ABTB2: variants seen among roughly 807,000 people sequenced by gnomAD.
ABTB2 encodes the protein ankyrin repeat and BTB/POZ domain-containing protein 2.
In ABTB2, 56 loss-of-function variants were observed where a neutral mutation model predicts 104.1. That is an observed-to-expected ratio of 0.54 (90% confidence interval 0.43 to 0.67). ABTB2 has a LOEUF of 0.67. ABTB2 is among the 30% of genes least tolerant of loss of function. The pLI, the probability that ABTB2 is intolerant of heterozygous loss-of-function variation, is 0.00. For synonymous variants in ABTB2, 606 were observed against 608.2 expected (o/e 1.00, Z 0.05); for missense variants, 1,279 against 1,407.7 (o/e 0.91, Z 1.46).
chr11:34,167,336 G>C lies in ABTB2; in HGVS notation c.1678C>G (p.Pro560Ala). 1.9e-6 allele frequency: 3 copies of C among 1,613,364 alleles called. No homozygotes were observed. The highest frequency in any genetic ancestry group is 2.5e-6 in the Non-Finnish European group (3 of 1,179,670). The stretch of plus-strand genomic sequence containing the variant: ...TGCCGGCTGTCGGGGTGGATGGAAG[G>C]GTGCCTGGGGGAGTTGCTTGGAACC... ...IQVPSNSPRH[P>A]SIHPDSRHWT... Residue 560 changes from proline to alanine, a missense_variant, in exon 7 of 17, where the codon CCT (proline) becomes GCT (alanine). By Grantham distance (27) the Pro-to-Ala change is conservative. Coordinates refer to ENST00000435224, the MANE Select transcript of ABTB2 (RefSeq NM_145804.3).
intron 1 of ABTB2, among the ~76,000 whole-genome samples, chr11:34,352,651 C>T (rs1855412829): frequency 6.6e-6 from 1 of 152,316 alleles, no homozygotes; most frequent in East Asian, 1.9e-4. Context: ...TCATTTAATT[C>T]TCATACCACC....
chr11:34,271,734 AATACATACATACATAC>A (rs11268199), intron 1 of ABTB2, among the ~76,000 whole-genome samples: 2,947 of 149,920 alleles, frequency 0.02, 96 homozygotes, highest in African/African-American at 0.067. Flanking sequence ...CCCTATCTCA[AATACATACATACATAC>A]ATACATACAT....
At chr11:34,306,303 G>GTGGCACAA (rs1250994899) in intron 1 of ABTB2, among the ~76,000 whole-genome samples, 1 of 130,602 alleles carries the variant, frequency 7.7e-6, no homozygotes, top group African/African-American at 2.9e-5. Context: ...CTGGAGTGCA[G>GTGGCACAA]TGGCACAATC....
intron 2 of ABTB2, among the ~76,000 whole-genome samples, chr11:34,200,165 G>A (rs1183747580): frequency 6.6e-6 from 1 of 152,216 alleles, no homozygotes; most frequent in Non-Finnish European, 1.5e-5. Flanking sequence ...ACTTTTGGCA[G>A]AACCACAGGA....
chr11:34,240,730 T>C (rs893943204), intron 1 of ABTB2, among the ~76,000 whole-genome samples: 1 of 152,068 alleles, frequency 6.6e-6, no homozygotes, highest in Admixed American at 6.6e-5. Context: ...ATAGATGAGA[T>C]TACAGGCATC....
In ABTB2 at chr11:34,151,063, AG is replaced by A. The variant is rs1418785468; in HGVS notation, c.*1323del. 1.3e-5 allele frequency: 2 copies of A among 152,736 alleles called. No homozygotes were observed. Among genetic ancestry groups the A allele is most frequent in the Non-Finnish European group, 2.9e-5 (2 of 68,078 alleles). The allele number at this position is 152,736 out of a possible 1,614,324, so 9.5% of individuals were successfully genotyped here. ...AGTGACAACATTATTGTACAGTTAA[AG>A]TATCATACAATATTACAGCAATAAA... On this transcript the variant is annotated 3_prime_UTR_variant, in exon 17 of 17. Transcript: ENST00000435224.
At chr11:34,193,898 C>CTG (rs1853214912) in intron 3 of ABTB2, among the ~76,000 whole-genome samples, 3 of 152,192 alleles carry the variant, frequency 2.0e-5, no homozygotes, top group Non-Finnish European at 2.9e-5. Flanking sequence ...GCTTCTGCCC[C>CTG]TCCCTCCTCC....
intron 1 of ABTB2, among the ~76,000 whole-genome samples, chr11:34,326,613 G>GGACCC (rs1855073453): frequency 6.9e-6 from 1 of 145,706 alleles, no homozygotes; most frequent in Non-Finnish European, 1.5e-5. Context: ...CTGGGTGTCA[G>GGACCC]AGGGAGACCC....
chr11:34,256,447 T>C (rs1442141330), intron 1 of ABTB2, among the ~76,000 whole-genome samples: 1 of 152,180 alleles, frequency 6.6e-6, no homozygotes, highest in Admixed American at 6.5e-5. Context: ...GTCATATAAT[T>C]TTCTGCACCT....
At chr11:34,188,092 TG>T (rs1368991247) in intron 3 of ABTB2, among the ~76,000 whole-genome samples, 1 of 152,212 alleles carries the variant, frequency 6.6e-6, no homozygotes, top group Non-Finnish European at 1.5e-5. Flanking sequence ...CAAAAAATTC[TG>T]GAAATATTTC....
rs1852711527 is a variant in ABTB2, at chr11:34,160,963, G to A, written c.2337C>T (p.Tyr779=). The A allele has an allele frequency of 6.2e-7, 1 of 1,613,568 alleles. No homozygotes were observed. The highest frequency in any genetic ancestry group is 1.1e-5 in the South Asian group (1 of 91,086). Residue 779 remains tyrosine (Y), a synonymous_variant, in exon 11 of 17, where the codon TAC becomes TAT. Coordinates refer to ENST00000435224, the MANE Select transcript of ABTB2 (RefSeq NM_145804.3). ...RDFSSIREEE[Y]NEELVTEGLQ... The stretch of plus-strand genomic sequence containing the variant: ...AGCCCTCGGTCACCAGCTCCTCGTT[G>A]TACTCCTCCTCTCTGATGGAGCTGA...
chr11:34,204,157 A>T (rs909217052), intron 2 of ABTB2, among the ~76,000 whole-genome samples: 3 of 152,014 alleles, frequency 2.0e-5, no homozygotes, highest in Non-Finnish European at 4.4e-5. Flanking sequence ...TTCGAGAAAG[A>T]GCACCAGTTG....
intron 1 of ABTB2, among the ~76,000 whole-genome samples, chr11:34,290,472 ATTGT>A (rs1294070409): frequency 6.6e-6 from 1 of 152,166 alleles, no homozygotes; most frequent in African/African-American, 2.4e-5. Context: ...AAGATAGCAG[ATTGT>A]TTAAGAAGCT....
chr11:34,271,402 G>C (rs1854312560), intron 1 of ABTB2, among the ~76,000 whole-genome samples: 1 of 152,204 alleles, frequency 6.6e-6, no homozygotes, highest in African/African-American at 2.4e-5. Context: ...AGGGGAGGGA[G>C]CTCTGAGGTA....
At chr11:34,163,625 C>T (rs933465951) in intron 9 of ABTB2, among the ~76,000 whole-genome samples, 5 of 152,220 alleles carry the variant, frequency 3.3e-5, no homozygotes, top group African/African-American at 4.8e-5. Context: ...ACCTGCTCCA[C>T]GGCTACCCCG....
chr11:34,293,998 T>C (rs755370), intron 1 of ABTB2, among the ~76,000 whole-genome samples: 36,583 of 152,178 alleles, frequency 0.24, 4,763 homozygotes, highest in East Asian at 0.45. Flanking sequence ...AATTCTTTGT[T>C]CTAGTCTTGC....
chr11:34,253,531 C>T (rs1372730736), intron 1 of ABTB2, among the ~76,000 whole-genome samples: 3 of 152,074 alleles, frequency 2.0e-5, no homozygotes, highest in Non-Finnish European at 2.9e-5. Flanking sequence ...CAAAAATTAG[C>T]CAGGCATGGT....
intron 1 of ABTB2, among the ~76,000 whole-genome samples, chr11:34,272,519 A>G (rs997524419): frequency 6.6e-6 from 1 of 151,844 alleles, no homozygotes; most frequent in South Asian, 2.1e-4. Flanking sequence ...CATCCTGGCT[A>G]ACACAGTGAA....
chr11:34,176,177 G>A (rs1032243922), intron 3 of ABTB2, among the ~76,000 whole-genome samples: 1 of 151,340 alleles, frequency 6.6e-6, no homozygotes, highest in Admixed American at 6.6e-5. Flanking sequence ...CTACTCAGGA[G>A]GCTGAGGCAT....
Sources: gnomAD v4.1 joint callset for allele counts (sites outside exome capture counted in the v4.1 genomes callset) on GRCh38, gnomAD v4.1.1 for gene constraint, MANE v1.5 for transcripts, NCBI Gene and HGNC (gene_info 2026-07-23, HGNC 2026-07-21) for gene names.